Variants in SLC7A9 observed in about 807,000 individuals in gnomAD.
SLC7A9 encodes the protein B(0,+)-type amino acid transporter 1.
Under a neutral mutation model 54.1 loss-of-function variants are expected in SLC7A9, and 38 were observed. That is an observed-to-expected ratio of 0.70 (90% CI 0.54 to 0.92). The LOEUF is 0.92. SLC7A9 is among the 40% of genes least tolerant of loss of function. The probability of loss-of-function intolerance (pLI) is 0.00; values close to 1 mark genes in which losing one functional copy is unlikely to be tolerated. For missense variants in SLC7A9, 537 were observed against 636.1 expected (o/e 0.84, Z 1.68); for synonymous variants, 264 against 258.9 (o/e 1.02, Z -0.19).
intron 7 of SLC7A9, 57 bp from the exon 8 acceptor site, chr19:32,860,021 T>C (rs1488166881): frequency 1.2e-6 from 2 of 1,613,514 alleles, no homozygotes; most frequent in African/African-American, 1.3e-5. Context: ...CCGCGGAAGA[T>C]GGACGCCCTC....
chr19:32,853,916 CAAA>C (rs139253538), intron 9 of SLC7A9, among the ~76,000 whole-genome samples: 36,658 of 119,518 alleles, frequency 0.31, 4,408 homozygotes, highest in East Asian at 0.56. Context: ...GATCCTGTCT[CAAA>C]AAAAAAAAAA....
chr19:32,858,459 T>A lies in SLC7A9; in HGVS notation c.958A>T (p.Thr320Ser). 1 of 1,613,100 alleles carries A rather than the reference T, an allele frequency of 6.2e-7. No homozygotes were observed. The highest frequency in any genetic ancestry group is 8.5e-7 in the Non-Finnish European group (1 of 1,179,826). Reference sequence around the variant, plus strand: ...CCCTACCTGCCCGCTGTGAAGCAGGTCCCGTTAGCAGCACCGATGGTTGAA... The same window carrying A: ...CCCTACCTGCCCGCTGTGAAGCAGGACCCGTTAGCAGCACCGATGGTTGAA... The part of the protein sequence containing the change: ...AFSTIGAANG[T>S]CFTAGRLIYV... Residue 320 changes from threonine (T) to serine (S), a missense_variant, in exon 9 of 13, where the codon ACC (threonine) becomes TCC (serine). Coordinates refer to ENST00000023064, the MANE Select transcript of SLC7A9 (RefSeq NM_014270.5).
intron 9 of SLC7A9, among the ~76,000 whole-genome samples, chr19:32,847,172 C>G (rs2145818676): frequency 6.6e-6 from 1 of 152,284 alleles, no homozygotes; most frequent in East Asian, 1.9e-4. Flanking sequence ...AGCAATGGAA[C>G]AAAGCTGGAC....
intron 1 of SLC7A9, among the ~76,000 whole-genome samples, chr19:32,869,425 C>T (rs539576875): frequency 6.6e-6 from 1 of 152,160 alleles, no homozygotes; most frequent in South Asian, 2.1e-4. Context: ...GGGAGTGTTG[C>T]TATTTGCCCC....
intron 9 of SLC7A9, among the ~76,000 whole-genome samples, chr19:32,855,496 A>C (rs138248638): frequency 2.1e-4 from 32 of 152,152 alleles, no homozygotes; most frequent in Middle Eastern, 3.4e-3. Context: ...TCAGGAGATC[A>C]AGACCATCCT....
intron 9 of SLC7A9, among the ~76,000 whole-genome samples, chr19:32,856,195 GTT>G (rs199589539): frequency 2.8e-5 from 4 of 142,576 alleles, no homozygotes; most frequent in African/African-American, 7.7e-5. Context: ...ATAGCTAGTG[GTT>G]TTTTTTTTTT....
chr19:32,842,167 C>A lies in SLC7A9; in HGVS notation c.1224+1G>T, dbSNP rs1968144798. On this transcript the variant is annotated splice_donor_variant, in intron 11 of 12. Transcript: ENST00000023064. LOFTEE classifies it high-confidence loss of function. ...TCGTGACTCTGGGGCTGCAAGCTTA[C>A]CTTGATAGGCCTTTCCAGCTCTTTC... is the stretch of plus-strand genomic sequence containing the variant. The A allele has an allele frequency of 6.2e-7, 1 of 1,614,162 alleles. No individual in the cohort carries two copies.
intron 11 of SLC7A9, among the ~76,000 whole-genome samples, chr19:32,840,824 T>C (rs958918793): frequency 2.6e-5 from 4 of 152,126 alleles, no homozygotes; most frequent in Non-Finnish European, 4.4e-5. Flanking sequence ...ACGTGCGCCC[T>C]CTCTCCTGGG....
chr19:32,843,460 C>CAA (rs200851302), intron 10 of SLC7A9, among the ~76,000 whole-genome samples: 3 of 150,732 alleles, frequency 2.0e-5, no homozygotes, highest in African/African-American at 7.3e-5. Flanking sequence ...GACTCCGTAT[C>CAA]AAAAAAAAAG....
At position 32,860,600 on chromosome 19, in the gene SLC7A9, T is replaced by C. The variant is rs114421824; in HGVS notation, c.749+6A>G. ...CTACTGTCCTCTGCACTGATTCAGC[T>C]GTTACCTGTAAGGGTTTCTAAGTTC... is the stretch of plus-strand genomic sequence containing the variant. On this transcript the variant is annotated splice_donor_region_variant and intron_variant, in intron 7 of 12. Transcript: ENST00000023064. 1,449 of 1,614,174 alleles carry C rather than the reference T, an allele frequency of 9.0e-4. 13 individuals carry two copies. The African/African-American group carries it at 0.015, about 17-fold the overall frequency.
intron 2 of SLC7A9, among the ~76,000 whole-genome samples, chr19:32,866,522 T>C (rs1968976562): frequency 6.6e-6 from 1 of 152,134 alleles, no homozygotes; most frequent in African/African-American, 2.4e-5. Context: ...TCTCCTGGGC[T>C]CAAGGGATCC....
At chr19:32,842,124 T>TA (rs747939377) in intron 11 of SLC7A9, 44 bp downstream of exon 11, 5 of 1,604,744 alleles carry the variant, frequency 3.1e-6, no homozygotes, top group Non-Finnish European at 4.3e-6. Context: ...TCTAATTCAT[T>TA]AAAAAATCCA....
At chr19:32,849,880 C>T (rs1454546556) in intron 9 of SLC7A9, among the ~76,000 whole-genome samples, 274 of 146,700 alleles carry the variant, frequency 1.9e-3, no homozygotes, top group African/African-American at 6.5e-3. Context: ...GTTCAACATT[C>T]GCAAATCAAT....
intron 9 of SLC7A9, among the ~76,000 whole-genome samples, chr19:32,848,618 A>C (rs1968372118): frequency 1.3e-5 from 2 of 152,232 alleles, no homozygotes; most frequent in South Asian, 4.1e-4. Flanking sequence ...AACATTAGAC[A>C]GATCAACAAG....
chr19:32,833,098 G>C, intron 12 of SLC7A9, 51 bp downstream of exon 12: 1 of 1,567,180 alleles, frequency 6.4e-7, no homozygotes, highest in Non-Finnish European at 8.8e-7. Context: ...TGAGGACGCC[G>C]TGCCTGCCTG....
chr19:32,856,349 C>T (rs1014874997), intron 9 of SLC7A9, among the ~76,000 whole-genome samples: 1 of 152,020 alleles, frequency 6.6e-6, no homozygotes, highest in Non-Finnish European at 1.5e-5. Flanking sequence ...CGCCCGCCAC[C>T]ACGCACAGCT....
intron 11 of SLC7A9, among the ~76,000 whole-genome samples, chr19:32,841,863 C>T (rs1404541599): frequency 2.6e-5 from 4 of 152,152 alleles, no homozygotes; most frequent in African/African-American, 7.2e-5. Context: ...GCCAAGGATG[C>T]GCCACTGCAC....
chr19:32,836,089 A>G (rs909975121), intron 11 of SLC7A9, among the ~76,000 whole-genome samples: 1 of 152,034 alleles, frequency 6.6e-6, no homozygotes, highest in African/African-American at 2.4e-5. Flanking sequence ...AATTTTTTGT[A>G]TTTTTAGTAG....
chr19:32,836,373 A>G (rs1305212599), intron 11 of SLC7A9, among the ~76,000 whole-genome samples: 2 of 152,012 alleles, frequency 1.3e-5, no homozygotes, highest in African/African-American at 4.8e-5. Context: ...TTTATCTTCT[A>G]TTTCTATTAA....
Sources: gnomAD v4.1 joint callset for allele counts (sites outside exome capture counted in the v4.1 genomes callset) on GRCh38, gnomAD v4.1.1 for gene constraint, MANE v1.5 for transcripts, NCBI Gene and HGNC (gene_info 2026-07-23, HGNC 2026-07-21) for gene names.